ZC2HC1B: variants seen among roughly 807,000 people sequenced by gnomAD.
ZC2HC1B encodes the protein zinc finger C2HC domain-containing protein 1B.
ZC2HC1B carries 36 observed loss-of-function variants against 31.0 expected under a neutral mutation model. The observed-to-expected ratio is 1.16, with a 90% CI of 0.89 to 1.54. The LOEUF is 1.54. Ranked by LOEUF, ZC2HC1B falls within the 40% of genes most tolerant of loss-of-function variation. The pLI is 0.00. For synonymous variants in ZC2HC1B, 73 were observed against 88.0 expected, an observed-to-expected ratio of 0.83 and a Z score of 0.95; for missense variants, 260 against 268.6, an observed-to-expected ratio of 0.97 and a Z score of 0.22.
rs1353789960 is a variant in ZC2HC1B at position 143,877,519 on chromosome 6, G to A, written c.29-6785G>A. Reference sequence around the variant, plus strand: ...GCTGGTCTCAAACTACCAACCTCGGGTGATCCGCCCGCCTCTGCCTCCCAA... The same window carrying A: ...GCTGGTCTCAAACTACCAACCTCGGATGATCCGCCCGCCTCTGCCTCCCAA... On this transcript the variant is annotated intron_variant, in intron 1 of 7. Coordinates refer to ENST00000237275, the MANE Select transcript of ZC2HC1B (RefSeq NM_001013623.3). Among the ~76,000 whole-genome samples the A allele has an allele frequency of 4.7e-5, 7 of 149,644 alleles. 1 individual carries two copies. In the South Asian group the frequency reaches 1.5e-3, roughly 33 times the overall value.
chr6:143,867,191 G>C (rs2128492771), intron 1 of ZC2HC1B, among the ~76,000 whole-genome samples: 1 of 152,098 alleles, frequency 6.6e-6, no homozygotes, highest in East Asian at 1.9e-4. Context: ...AACACTTCTG[G>C]TCCCAAGCAT....
chr6:143,896,246 C>A (rs1582961423), intron 4 of ZC2HC1B, among the ~76,000 whole-genome samples: 1 of 152,308 alleles, frequency 6.6e-6, no homozygotes, highest in South Asian at 2.1e-4. Flanking sequence ...TTCAACTTTG[C>A]TGTCTCCATG....
In ZC2HC1B at chr6:143,930,870, T is replaced by TAA. The variant is rs201405604; in HGVS notation, c.599-6777_599-6776dup. The stretch of plus-strand genomic sequence containing the variant: ...TGCAGTTATTGGGTAGAATATTCTG[T>TAA]AAATGTCTGTAAGGTCCATTTGGTC... On this transcript the variant is annotated intron_variant, in intron 6 of 7. Transcript: ENST00000237275. 7.4e-3 allele frequency among the ~76,000 whole-genome samples: 1,128 copies of TAA among 152,360 alleles called. 11 individuals carry two copies. Among genetic ancestry groups the TAA allele is most frequent in the African/African-American group, 0.026 (1,081 of 41,590 alleles).
chr6:143,928,383 G>A (rs1562348958), intron 6 of ZC2HC1B, among the ~76,000 whole-genome samples: 1 of 152,092 alleles, frequency 6.6e-6, no homozygotes, highest in Admixed American at 6.5e-5. Context: ...TTTCTCTGAT[G>A]TATGTTTTTG....
chr6:143,920,925 G>A (rs989338526), intron 6 of ZC2HC1B, among the ~76,000 whole-genome samples: 4 of 147,734 alleles, frequency 2.7e-5, no homozygotes, highest in Non-Finnish European at 4.5e-5. Flanking sequence ...AAAAAAAAAA[G>A]GTTGACACTA....
Position 143,895,653 on chromosome 6 carries a change from A to G in ZC2HC1B, c.350-2899A>G, listed in dbSNP as rs1777656907. Among the ~76,000 whole-genome samples, 1 of 152,154 alleles carries G rather than the reference A, an allele frequency of 6.6e-6. No homozygotes were observed. ...TGTCAATGATTTAAATTTCTAGGATACTGTGACAGTTTATGGGGACAGTGA... is the reference window on the plus strand; with the variant it reads ...TGTCAATGATTTAAATTTCTAGGATGCTGTGACAGTTTATGGGGACAGTGA... On this transcript the variant is annotated intron_variant, in intron 4 of 7. Transcript: ENST00000237275. The surrounding 1 kb of genome is among the most constrained non-coding windows in gnomAD (Gnocchi z 4.8).
intron 6 of ZC2HC1B, among the ~76,000 whole-genome samples, chr6:143,928,824 G>GTTTTTTTTTTTTTT (rs59359194): frequency 2.1e-5 from 3 of 142,308 alleles, no homozygotes; most frequent in African/African-American, 2.6e-5. Context: ...TATTCCTAGG[G>GTTTTTTTTTTTTTT]TTTTTTTTTT....
chr6:143,918,259 T>C lies in ZC2HC1B; in HGVS notation c.598+15107T>C, dbSNP rs1244565602. On this transcript the variant is annotated intron_variant, in intron 6 of 7. Coordinates refer to ENST00000237275, the MANE Select transcript of ZC2HC1B (RefSeq NM_001013623.3). The surrounding 1 kb of genome is among the most constrained non-coding windows in gnomAD (Gnocchi z 4.1). ...AAGCAATCCTCCTACCCCAGCCTCC[T>C]GAGTAGCTGAGACTAGAGGCATGCA... Among the ~76,000 whole-genome samples, 1 of 152,140 alleles carries C rather than the reference T, an allele frequency of 6.6e-6. No homozygotes were observed. Among genetic ancestry groups the C allele is most frequent in the Non-Finnish European group, 1.5e-5 (1 of 68,030 alleles).
At chr6:143,874,083 G>A (rs1056545703) in intron 1 of ZC2HC1B, among the ~76,000 whole-genome samples, 2 of 152,054 alleles carry the variant, frequency 1.3e-5, no homozygotes, top group African/African-American at 4.8e-5. Context: ...ATGCTTTCCT[G>A]CTTAGAAATT....
At chr6:143,898,805 GAGC>G in intron 5 of ZC2HC1B, 114 bp downstream of exon 5, 1 of 1,335,616 alleles carries the variant, frequency 7.5e-7, no homozygotes, top group South Asian at 1.5e-5. Flanking sequence ...AGCGTGAAGA[GAGC>G]TGATCATGAT....
In ZC2HC1B at chr6:143,913,139, T is replaced by C. The variant is rs1777880144; in HGVS notation, c.598+9987T>C. On this transcript the variant is annotated intron_variant, in intron 6 of 7. Transcript: ENST00000237275. This position sits in a 1 kb window ranked among gnomAD's most constrained non-coding sequence, Gnocchi z 5.7. The stretch of plus-strand genomic sequence containing the variant: ...ACCAACCCAGGTGACAGCCCTCCCC[T>C]CCTCTGGGCACTTCATCCCAGGGAG... Among the ~76,000 whole-genome samples the C allele has an allele frequency of 6.6e-6, 1 of 152,124 alleles. No homozygotes were observed. The highest frequency in any genetic ancestry group is 1.5e-5 in the Non-Finnish European group (1 of 68,008).
intron 1 of ZC2HC1B, among the ~76,000 whole-genome samples, chr6:143,876,975 C>T (rs1479359336): frequency 6.6e-6 from 1 of 150,636 alleles, no homozygotes; most frequent in Non-Finnish European, 1.5e-5. Flanking sequence ...CAGACACACC[C>T]ACGATGAATA....
chr6:143,909,102 A>G (rs1777829637), intron 6 of ZC2HC1B, among the ~76,000 whole-genome samples: 2 of 152,204 alleles, frequency 1.3e-5, no homozygotes, highest in South Asian at 4.1e-4. Flanking sequence ...CCAACCTTGC[A>G]TCTCAGGGAT....
At chr6:143,919,677 G>C (rs139781040) in intron 6 of ZC2HC1B, among the ~76,000 whole-genome samples, 2 of 152,302 alleles carry the variant, frequency 1.3e-5, no homozygotes, top group African/African-American at 4.8e-5. Context: ...GCCATGTCCA[G>C]ATTGATCCAG....
intron 6 of ZC2HC1B, among the ~76,000 whole-genome samples, chr6:143,912,792 T>G (rs1345075996): frequency 2.0e-5 from 3 of 152,170 alleles, no homozygotes; most frequent in Non-Finnish European, 4.4e-5. Flanking sequence ...GGAGATCCCT[T>G]CTGCCCCTGA....
intron 6 of ZC2HC1B, among the ~76,000 whole-genome samples, chr6:143,928,368 T>C (rs1778075709): frequency 6.6e-6 from 1 of 152,144 alleles, no homozygotes; most frequent in Admixed American, 6.5e-5. Context: ...TTGAGTAGGG[T>C]GTCCTTTCTC....
chr6:143,933,843 G>T lies in ZC2HC1B; in HGVS notation c.599-3806G>T, dbSNP rs1778149075. ...CATCTCCACTGTGCTTTCTGCAACA[G>T]TTCCTGTTTGCCCCCAGATTCTTCT... On this transcript the variant is annotated intron_variant, in intron 6 of 7. Coordinates refer to ENST00000237275, the MANE Select transcript of ZC2HC1B (RefSeq NM_001013623.3). The surrounding 1 kb of genome is among the most constrained non-coding windows in gnomAD (Gnocchi z 6.4). Among the ~76,000 whole-genome samples, 1 of 152,210 alleles carries T rather than the reference G, an allele frequency of 6.6e-6. No individual in the cohort carries two copies. The highest frequency in any genetic ancestry group is 2.4e-5 in the African/African-American group (1 of 41,452).
chr6:143,935,766 C>T (rs1778170954), intron 6 of ZC2HC1B, among the ~76,000 whole-genome samples: 1 of 147,210 alleles, frequency 6.8e-6, no homozygotes. Flanking sequence ...GTGACCCTCT[C>T]ACCTCAGCCT....
Position 143,933,563 on chromosome 6 carries a change from G to A in ZC2HC1B, c.599-4086G>A, listed in dbSNP as rs769768225. 2.0e-5 allele frequency among the ~76,000 whole-genome samples: 3 copies of A among 152,150 alleles called. No individual in the cohort carries two copies. The highest frequency in any genetic ancestry group is 1.3e-4 in the Admixed American group (2 of 15,278). ...ATGGTTCTTGGGCCAATGGAGTTAT[G>A]TTCCAGAGGGAATTATGGCTGCCTC... On this transcript the variant is annotated intron_variant, in intron 6 of 7. Coordinates refer to ENST00000237275, the MANE Select transcript of ZC2HC1B (RefSeq NM_001013623.3). The surrounding 1 kb of genome is among the most constrained non-coding windows in gnomAD (Gnocchi z 6.4).
Sources: gnomAD v4.1 joint callset for allele counts (sites outside exome capture counted in the v4.1 genomes callset) on GRCh38, gnomAD v4.1.1 for gene constraint, Gnocchi (gnomAD v3.1) non-coding constraint, MANE v1.5 for transcripts, NCBI Gene and HGNC (gene_info 2026-07-23, HGNC 2026-07-21) for gene names.